Variants in PXDNL observed in about 807,000 individuals in gnomAD.
PXDNL encodes the protein probable oxidoreductase PXDNL.
A neutral mutation model predicts 150.8 loss-of-function variants in PXDNL; 145 were observed. The ratio of observed to expected loss-of-function variants is 0.96; its 90% CI spans 0.84 to 1.10. PXDNL has a LOEUF of 1.10. Ranked by LOEUF, PXDNL falls within the 50% of genes least tolerant of loss-of-function variation. PXDNL has a pLI of 0.00. For synonymous variants in PXDNL, 757 were observed against 725.7 expected, an observed-to-expected ratio of 1.04 and a Z score of -0.69; for missense variants, 2,087 against 1,873.9, an observed-to-expected ratio of 1.11 and a Z score of -2.10.
At chr8:51,503,130 T>C (rs1288808488) in intron 4 of PXDNL, among the ~76,000 whole-genome samples, 1 of 152,180 alleles carries the variant, frequency 6.6e-6, no homozygotes, top group East Asian at 1.9e-4. Flanking sequence ...ATTCCAGCCA[T>C]GCTTCCCTAG....
chr8:51,509,631 G>A (rs907981819), intron 4 of PXDNL, among the ~76,000 whole-genome samples: 10 of 151,458 alleles, frequency 6.6e-5, no homozygotes, highest in South Asian at 2.1e-4. Context: ...CCCACTCAAT[G>A]AGCCCAACTG....
At chr8:51,376,482 T>C (rs1478871807) in intron 17 of PXDNL, among the ~76,000 whole-genome samples, 1 of 152,212 alleles carries the variant, frequency 6.6e-6, no homozygotes, top group Non-Finnish European at 1.5e-5. Context: ...GTTTCAATTC[T>C]TTTTCTGAGA....
intron 4 of PXDNL, among the ~76,000 whole-genome samples, chr8:51,520,882 C>T (rs1035771510): frequency 2.0e-5 from 3 of 152,024 alleles, no homozygotes; most frequent in Non-Finnish European, 4.4e-5. Context: ...AGAACCAGAC[C>T]CAACATGACC....
intron 21 of PXDNL, among the ~76,000 whole-genome samples, chr8:51,324,244 C>T (rs954701135): frequency 6.6e-6 from 1 of 152,130 alleles, no homozygotes; most frequent in Non-Finnish European, 1.5e-5. Flanking sequence ...AGTTTTATTT[C>T]TTCCTTTTCA....
intron 1 of PXDNL, among the ~76,000 whole-genome samples, chr8:51,802,617 G>A (rs1160065410): frequency 1.3e-5 from 2 of 152,192 alleles, no homozygotes; most frequent in Non-Finnish European, 2.9e-5. Context: ...ACTGTGCTGT[G>A]TCATTTGTTG....
At chr8:51,715,341 A>T (rs1816592449) in intron 1 of PXDNL, among the ~76,000 whole-genome samples, 2 of 152,190 alleles carry the variant, frequency 1.3e-5, no homozygotes, top group South Asian at 4.1e-4. Flanking sequence ...AGAGGGTGAG[A>T]GATTGAGTTA....
intron 9 of PXDNL, 117 bp from the exon 10 acceptor site, chr8:51,453,902 A>G (rs1349835816): frequency 7.0e-6 from 6 of 861,988 alleles, no homozygotes; most frequent in Non-Finnish European, 8.6e-6. Flanking sequence ...AAACTAAAAT[A>G]TTACACATAT....
chr8:51,470,353 T>A (rs1810299441), intron 8 of PXDNL, among the ~76,000 whole-genome samples: 1 of 152,086 alleles, frequency 6.6e-6, no homozygotes, highest in Admixed American at 6.6e-5. Context: ...TGGCTACAAT[T>A]ATAAATCCAA....
At chr8:51,737,268 T>TA (rs1817057570) in intron 1 of PXDNL, among the ~76,000 whole-genome samples, 1 of 152,346 alleles carries the variant, frequency 6.6e-6, no homozygotes, top group Non-Finnish European at 1.5e-5. Flanking sequence ...TCTAAACACT[T>TA]ACAGTAGTTT....
chr8:51,435,861 C>G, intron 12 of PXDNL: 3 of 452,740 alleles, frequency 6.6e-6, no homozygotes, highest in South Asian at 5.5e-5. Flanking sequence ...AATGTTGATG[C>G]CTCATTCTAA....
chr8:51,533,205 C>T (rs1396973575), intron 4 of PXDNL, among the ~76,000 whole-genome samples: 1 of 152,118 alleles, frequency 6.6e-6, no homozygotes, highest in Non-Finnish European at 1.5e-5. Flanking sequence ...GGCTGGAGCA[C>T]AGTGGCGCAA....
chr8:51,344,984 G>A (rs887509977), intron 20 of PXDNL, among the ~76,000 whole-genome samples: 2 of 152,092 alleles, frequency 1.3e-5, no homozygotes, highest in Non-Finnish European at 1.5e-5. Flanking sequence ...AGAGTACAGG[G>A]CCCATATATT....
chr8:51,480,566 T>A (rs1004082425), intron 6 of PXDNL, among the ~76,000 whole-genome samples: 8 of 152,148 alleles, frequency 5.3e-5, no homozygotes, highest in Admixed American at 5.2e-4. Flanking sequence ...CACATGAGAT[T>A]TAGAGGGGAG....
In PXDNL at chr8:51,534,968, G is replaced by A. The variant is rs1225011322; in HGVS notation, c.380+21872C>T. Among the ~76,000 whole-genome samples, 3 of 113,550 alleles carry A rather than the reference G, an allele frequency of 2.6e-5. No individual in the cohort carries two copies. In the East Asian group the frequency reaches 9.1e-4, roughly 34 times the overall value. The allele number at this position is 113,550 out of a possible 152,430, so 74.5% of individuals were successfully genotyped here. A position where few individuals can be genotyped will look rare whatever the true frequency, so the allele number is the denominator to read the frequency against. ...AGCCGCCCCGTCCGGGAGGGAGGTG[G>A]GGGGGTCAGCCCCCCGCCCGGCCAG... On this transcript the variant is annotated intron_variant, in intron 4 of 22. Transcript: ENST00000356297.
At chr8:51,683,330 T>C (rs996587176) in intron 1 of PXDNL, among the ~76,000 whole-genome samples, 3 of 150,834 alleles carry the variant, frequency 2.0e-5, no homozygotes, top group Admixed American at 6.6e-5. Flanking sequence ...TTAGTGACAT[T>C]AAGCGATTTT....
rs201157051 is a variant in PXDNL at position 51,744,357 on chromosome 8, AAGAG to A, written c.164+64820_164+64823del. On this transcript the variant is annotated intron_variant, in intron 1 of 22. Coordinates refer to ENST00000356297, the MANE Select transcript of PXDNL (RefSeq NM_144651.5). ...AGGAAAGAGAGAAAGAGAGAAAGAA[AAGAG>A]AGAGAAAGAGAAAAAAGAAAGGAAG... Among the ~76,000 whole-genome samples, 10 of 151,410 alleles carry A rather than the reference AAGAG, an allele frequency of 6.6e-5. No homozygotes were observed. The East Asian group carries it at 1.8e-3, about 27-fold the overall frequency.
intron 8 of PXDNL, among the ~76,000 whole-genome samples, chr8:51,470,938 G>A (rs1810314630): frequency 6.6e-6 from 1 of 151,856 alleles, no homozygotes; most frequent in African/African-American, 2.4e-5. Context: ...AAGGCTTCAT[G>A]ACGAAAACAT....
intron 4 of PXDNL, among the ~76,000 whole-genome samples, chr8:51,531,900 T>C (rs2130434411): frequency 6.6e-6 from 1 of 152,324 alleles, no homozygotes; most frequent in East Asian, 1.9e-4. Flanking sequence ...AATGGTGAAG[T>C]GCTCCCCCCA....
intron 1 of PXDNL, among the ~76,000 whole-genome samples, chr8:51,698,878 G>C (rs1413505795): frequency 3.9e-5 from 6 of 152,188 alleles, no homozygotes; most frequent in African/African-American, 9.7e-5. Flanking sequence ...ATCTCCATCA[G>C]AGCTCTTGGG....
Sources: allele counts gnomAD v4.1 joint callset (sites outside exome capture counted in the v4.1 genomes callset), GRCh38; gene constraint gnomAD v4.1.1; transcripts MANE v1.5; gene names NCBI Gene and HGNC (gene_info 2026-07-23, HGNC 2026-07-21).